The following ADAMTSL1 variants were observed in gnomAD, a reference collection of about 807,000 sequenced individuals.
The protein encoded by ADAMTSL1 is ADAMTS like 1, also known as ADAMTS-like protein 1.
A neutral mutation model predicts 201.8 loss-of-function variants in ADAMTSL1; 126 were observed. The observed-to-expected ratio is 0.62, with a 90% CI of 0.54 to 0.72. The LOEUF is 0.72. ADAMTSL1 is among the 30% of genes least tolerant of loss of function. The pLI is 0.00. For missense variants in ADAMTSL1, 2,679 were observed against 2,277.8 expected, an observed-to-expected ratio of 1.18 and a Z score of -3.59; for synonymous variants, 1,121 against 903.4, an observed-to-expected ratio of 1.24 and a Z score of -4.32.
chr9:18,258,394 G>C (rs144196322), intron 2 of ADAMTSL1, among the ~76,000 whole-genome samples: 1 of 152,192 alleles, frequency 6.6e-6, no homozygotes, highest in Non-Finnish European at 1.5e-5. Flanking sequence ...GGAGAAAGAG[G>C]GTTCTGAGCC....
At position 18,721,608 on chromosome 9, in the gene ADAMTSL1, C is replaced by T. The variant is rs767917631; in HGVS notation, c.1949C>T (p.Thr650Ile). The change falls in exon 15 of 29, where the codon ACC becomes ATC. Residue 650 changes from threonine to isoleucine, a missense_variant. Thr to Ile is a moderately conservative substitution (Grantham distance 89). Coordinates refer to ENST00000380548, the MANE Select transcript of ADAMTSL1 (RefSeq NM_001040272.6). The part of the protein sequence containing the change: ...REPAEENLCV[T>I]SRRPPQLLKS... ...CCTGCTGAGGAGAACCTGTGCGTGACCAGCCGCCGGCCCCCACAGCTCCTG... is the reference window on the plus strand; with the variant it reads ...CCTGCTGAGGAGAACCTGTGCGTGATCAGCCGCCGGCCCCCACAGCTCCTG... 1.2e-5 allele frequency: 19 copies of T among 1,613,836 alleles called. No homozygotes were observed. In the Admixed American group the frequency reaches 3.2e-4, roughly 27 times the overall value.
chr9:18,116,516 ATTGT>A (rs1825257030), intron 1 of ADAMTSL1, among the ~76,000 whole-genome samples: 1 of 152,072 alleles, frequency 6.6e-6, no homozygotes, highest in Non-Finnish European at 1.5e-5. Flanking sequence ...ATTGCTTGTA[ATTGT>A]TTCTCTCACT....
chr9:18,388,781 G>T (rs1837916370), intron 2 of ADAMTSL1, among the ~76,000 whole-genome samples: 2 of 150,238 alleles, frequency 1.3e-5, no homozygotes, highest in Admixed American at 6.6e-5. Context: ...TTTTGAGATG[G>T]AGTCTCACTC....
intron 2 of ADAMTSL1, among the ~76,000 whole-genome samples, chr9:18,253,901 A>G (rs928354386): frequency 6.6e-6 from 1 of 152,154 alleles, no homozygotes; most frequent in African/African-American, 2.4e-5. Context: ...ATGCTTTTTG[A>G]TGAGTCTTTG....
chr9:18,835,379 A>T (rs1362111707), intron 23 of ADAMTSL1, among the ~76,000 whole-genome samples: 2 of 152,068 alleles, frequency 1.3e-5, no homozygotes, highest in African/African-American at 2.4e-5. Context: ...TTTTAATGAG[A>T]TATGTAATTT....
intron 1 of ADAMTSL1, among the ~76,000 whole-genome samples, chr9:18,159,817 A>C (rs1243693251): frequency 6.6e-6 from 1 of 152,068 alleles, no homozygotes; most frequent in East Asian, 1.9e-4. Context: ...GTGAGTGTGA[A>C]ATAGAGTATA....
In ADAMTSL1 at chr9:18,399,302, T is replaced by G. The variant is rs1291151775; in HGVS notation, c.208-105527T>G. On this transcript the variant is annotated intron_variant, in intron 2 of 29. Coordinates refer to the ADAMTSL1 transcript ENST00000680146. Reference sequence around the variant, plus strand: ...TTACATATATATATATATATATATATATATATATATATATATATATATATA... The same window carrying G: ...TTACATATATATATATATATATATAGATATATATATATATATATATATATA... Among the ~76,000 whole-genome samples the G allele has an allele frequency of 1.0e-3, 111 of 108,154 alleles. 1 individual carries two copies. Among genetic ancestry groups the G allele is most frequent in the African/African-American group, 3.9e-3 (103 of 26,684 alleles). The allele number at this position is 108,154 out of a possible 152,430, so 71.0% of individuals were successfully genotyped here.
chr9:18,639,463 CT>C, intron 7 of ADAMTSL1, 52 bp downstream of exon 7: 1 of 1,579,286 alleles, frequency 6.3e-7, no homozygotes, highest in Non-Finnish European at 8.6e-7. Context: ...AATGATGTTA[CT>C]TATAATTTCC....
intron 4 of ADAMTSL1, 127 bp from the exon 5 acceptor site, chr9:18,622,116 C>A (rs1054934931): frequency 7.5e-6 from 9 of 1,205,954 alleles, no homozygotes; most frequent in Non-Finnish European, 1.0e-5. Context: ...GAATTCAGTC[C>A]CCTTCACGGG....
intron 3 of ADAMTSL1, among the ~76,000 whole-genome samples, chr9:18,562,280 A>T (rs1350678685): frequency 6.6e-6 from 1 of 152,138 alleles, no homozygotes; most frequent in East Asian, 1.9e-4. Flanking sequence ...TTCACTTATG[A>T]AGCTTAGTTT....
At chr9:17,927,004 C>T (rs920549430) in intron 1 of ADAMTSL1, among the ~76,000 whole-genome samples, 27 of 152,312 alleles carry the variant, frequency 1.8e-4, no homozygotes, top group African/African-American at 6.5e-4. Flanking sequence ...CATCCGTCTC[C>T]AGAGCTCTTT....
At chr9:18,224,574 C>T (rs1830376458) in intron 2 of ADAMTSL1, among the ~76,000 whole-genome samples, 2 of 152,158 alleles carry the variant, frequency 1.3e-5, no homozygotes, top group South Asian at 4.1e-4. Context: ...ACATCAATTT[C>T]ATCTCAATGT....
chr9:18,817,011 G>A lies in ADAMTSL1; in HGVS notation c.3806-98G>A. ...ATAGTTAGTGGCAAAAGTCTGGGTAGACCAGCCATGCATTGGTGGTTAGCC... is the reference window on the plus strand; with the variant it reads ...ATAGTTAGTGGCAAAAGTCTGGGTAAACCAGCCATGCATTGGTGGTTAGCC... On this transcript the variant is annotated intron_variant, in intron 20 of 28. Coordinates refer to ENST00000380548, the MANE Select transcript of ADAMTSL1 (RefSeq NM_001040272.6). The A allele has an allele frequency of 1.2e-5, 18 of 1,455,040 alleles. No individual in the cohort carries two copies. The South Asian group carries it at 2.3e-4, about 19-fold the overall frequency. The allele number at this position is 1,455,040 out of a possible 1,614,324, so 90.1% of individuals were successfully genotyped here.
At chr9:18,371,547 A>G (rs1011032723) in intron 2 of ADAMTSL1, among the ~76,000 whole-genome samples, 1 of 152,248 alleles carries the variant, frequency 6.6e-6, no homozygotes, top group African/African-American at 2.4e-5. Context: ...AAAGCATAAT[A>G]GTTTTATTAT....
chr9:18,527,114 G>C (rs1216196845), intron 2 of ADAMTSL1, among the ~76,000 whole-genome samples: 1 of 152,112 alleles, frequency 6.6e-6, no homozygotes, highest in Non-Finnish European at 1.5e-5. Context: ...AGAATGAGAT[G>C]AGATGCTGTC....
intron 2 of ADAMTSL1, among the ~76,000 whole-genome samples, chr9:18,408,332 A>G (rs1049603833): frequency 6.6e-6 from 1 of 152,088 alleles, no homozygotes; most frequent in Admixed American, 6.6e-5. Flanking sequence ...TTAGGTAGGC[A>G]TGGTGGTAGG....
intron 2 of ADAMTSL1, among the ~76,000 whole-genome samples, chr9:18,174,781 A>G (rs914782169): frequency 6.6e-6 from 1 of 152,160 alleles, no homozygotes; most frequent in African/African-American, 2.4e-5. Flanking sequence ...TAAAATTTGT[A>G]TCCTGTTTTC....
At chr9:18,391,332 C>T (rs928801769) in intron 2 of ADAMTSL1, among the ~76,000 whole-genome samples, 7 of 151,934 alleles carry the variant, frequency 4.6e-5, no homozygotes, top group African/African-American at 1.7e-4. Context: ...GAATTACATC[C>T]GTGTTATAAT....
chr9:18,665,325 G>C (rs1316805974), intron 9 of ADAMTSL1, among the ~76,000 whole-genome samples: 1 of 151,932 alleles, frequency 6.6e-6, no homozygotes, highest in African/African-American at 2.4e-5. Flanking sequence ...TTATACATTT[G>C]AACTAATCAA....
Sources: allele counts gnomAD v4.1 joint callset (sites outside exome capture counted in the v4.1 genomes callset), GRCh38; gene constraint gnomAD v4.1.1; transcripts MANE v1.5; gene names NCBI Gene and HGNC (gene_info 2026-07-23, HGNC 2026-07-21).